The following RASAL2 variants were observed in gnomAD, a reference collection of about 807,000 sequenced individuals.
The protein encoded by RASAL2 is RAS protein activator like 2, also known as ras GTPase-activating protein nGAP.
In RASAL2, 58 loss-of-function variants were observed where a neutral mutation model predicts 128.9. That is an observed-to-expected ratio of 0.45 (90% CI 0.36 to 0.56). RASAL2 has a LOEUF of 0.56. Among genes scored for constraint, RASAL2 ranks in the 20% least tolerant of loss-of-function variants. RASAL2 has a pLI of 0.00. For synonymous variants in RASAL2, 561 were observed against 580.8 expected (o/e 0.97, Z 0.49); for missense variants, 1,360 against 1,601.6 (o/e 0.85, Z 2.57).
intron 1 of RASAL2, among the ~76,000 whole-genome samples, chr1:178,248,824 C>G (rs184373423): frequency 2.6e-5 from 4 of 152,240 alleles, no homozygotes; most frequent in African/African-American, 7.2e-5. Context: ...ATATGAAATT[C>G]TGGGTTGAAA....
chr1:178,408,602 GT>G (rs59524376), intron 4 of RASAL2, among the ~76,000 whole-genome samples: 2 of 141,630 alleles, frequency 1.4e-5, no homozygotes, highest in Admixed American at 6.9e-5. Context: ...TGTTTGGTTG[GT>G]TTTTTTTTGT....
intron 1 of RASAL2, among the ~76,000 whole-genome samples, chr1:178,251,053 G>A (rs1452013926): frequency 6.6e-6 from 1 of 152,094 alleles, no homozygotes; most frequent in Admixed American, 6.5e-5. Flanking sequence ...GTGAAGTGAG[G>A]TCTGATAGTT....
chr1:178,376,869 G>T (rs560086618), intron 3 of RASAL2, among the ~76,000 whole-genome samples: 1 of 152,164 alleles, frequency 6.6e-6, no homozygotes, highest in East Asian at 1.9e-4. Flanking sequence ...CAAAATTATT[G>T]AAATTATTCT....
chr1:178,099,814 T>G (rs902597611), intron 1 of RASAL2, among the ~76,000 whole-genome samples: 57 of 151,816 alleles, frequency 3.8e-4, no homozygotes, highest in African/African-American at 1.2e-3. Flanking sequence ...ACAAAGAAAT[T>G]AGCCGGGTGT....
chr1:178,204,968 C>A (rs1024610328), intron 1 of RASAL2, among the ~76,000 whole-genome samples: 1 of 152,192 alleles, frequency 6.6e-6, no homozygotes, highest in Non-Finnish European at 1.5e-5. Context: ...ATTAGAATTA[C>A]TAGCTGAAAA....
At chr1:178,462,897 A>G (rs1647260052) in intron 14 of RASAL2, among the ~76,000 whole-genome samples, 1 of 152,140 alleles carries the variant, frequency 6.6e-6, no homozygotes. Flanking sequence ...AATCGACTAA[A>G]CCAGATCTTT....
chr1:178,239,120 A>G (rs1483868790), intron 1 of RASAL2, among the ~76,000 whole-genome samples: 1 of 152,142 alleles, frequency 6.6e-6, no homozygotes, highest in Non-Finnish European at 1.5e-5. Context: ...ACCTTTACAA[A>G]GTAGAAACCC....
intron 1 of RASAL2, among the ~76,000 whole-genome samples, chr1:178,174,354 T>G (rs1406687231): frequency 6.6e-6 from 1 of 152,076 alleles, no homozygotes; most frequent in East Asian, 1.9e-4. Flanking sequence ...TTGTCATTTT[T>G]TATTTACTGT....
chr1:178,364,378 T>C (rs1384130372), intron 3 of RASAL2, among the ~76,000 whole-genome samples: 3 of 152,202 alleles, frequency 2.0e-5, no homozygotes, highest in East Asian at 1.9e-4. Context: ...ATACTGGCTA[T>C]ATGACTTCAT....
At chr1:178,402,147 G>A (rs766098523) in intron 4 of RASAL2, among the ~76,000 whole-genome samples, 47 of 152,248 alleles carry the variant, frequency 3.1e-4, no homozygotes, top group Non-Finnish European at 6.3e-4. Context: ...TGGGTGTGTT[G>A]GCTCACGCCT....
chr1:178,181,929 G>C (rs1482064674), intron 1 of RASAL2, among the ~76,000 whole-genome samples: 2 of 152,084 alleles, frequency 1.3e-5, no homozygotes, highest in African/African-American at 4.8e-5. Flanking sequence ...TGTTGAGATA[G>C]TGTTTGCTAG....
At chr1:178,116,458 C>T (rs1428577149) in intron 1 of RASAL2, among the ~76,000 whole-genome samples, 3 of 151,892 alleles carry the variant, frequency 2.0e-5, no homozygotes, top group Non-Finnish European at 4.4e-5. Flanking sequence ...CAAGAAGAAT[C>T]ACTAGAGTAG....
chr1:178,400,334 AG>A (rs1351671126), intron 4 of RASAL2, among the ~76,000 whole-genome samples: 1 of 152,192 alleles, frequency 6.6e-6, no homozygotes, highest in Non-Finnish European at 1.5e-5. Flanking sequence ...ATTTCTGCCC[AG>A]GAAGTCTACC....
chr1:178,387,984 A>T (rs531595176), intron 3 of RASAL2, among the ~76,000 whole-genome samples: 1 of 152,306 alleles, frequency 6.6e-6, no homozygotes, highest in African/African-American at 2.4e-5. Context: ...CTTAGCCAGA[A>T]CATTGCAAAT....
At chr1:178,118,854 AG>A (rs1659611080) in intron 1 of RASAL2, among the ~76,000 whole-genome samples, 1 of 5,510 alleles carries the variant, frequency 1.8e-4, no homozygotes, top group Admixed American at 3.5e-3. Context: ...ACAATTGAGC[AG>A]GTTTTTTTTT....
chr1:178,364,873 A>G (rs1477056759), intron 3 of RASAL2, among the ~76,000 whole-genome samples: 3 of 152,184 alleles, frequency 2.0e-5, no homozygotes, highest in African/African-American at 7.2e-5. Flanking sequence ...AGAAGGAGTT[A>G]TCTGTTCATT....
At chr1:178,419,478 G>A (rs1229403610) in intron 4 of RASAL2, among the ~76,000 whole-genome samples, 10 of 151,780 alleles carry the variant, frequency 6.6e-5, no homozygotes, top group Non-Finnish European at 1.5e-4. Context: ...TGTAGAGATG[G>A]GGTCTCGCCA....
At chr1:178,357,742 T>C (rs1034967441) in intron 3 of RASAL2, among the ~76,000 whole-genome samples, 2 of 152,186 alleles carry the variant, frequency 1.3e-5, no homozygotes, top group Admixed American at 6.5e-5. Context: ...TTTAACTTTA[T>C]ATAAAGAGCA....
intron 1 of RASAL2, among the ~76,000 whole-genome samples, chr1:178,149,022 T>G (rs1660822600): frequency 6.6e-6 from 1 of 152,136 alleles, no homozygotes; most frequent in Non-Finnish European, 1.5e-5. Context: ...CCTCCCTTCT[T>G]TTTTCCTAAG....
Sources: allele counts gnomAD v4.1 joint callset (sites outside exome capture counted in the v4.1 genomes callset), GRCh38; gene constraint gnomAD v4.1.1; transcripts MANE v1.5; gene names NCBI Gene and HGNC (gene_info 2026-07-23, HGNC 2026-07-21).